Variants in LRP12 observed in about 807,000 individuals in gnomAD.
LRP12 encodes the protein LDL receptor related protein 12.
Under a neutral mutation model 66.0 loss-of-function variants are expected in LRP12, and 14 were observed. The observed-to-expected ratio is 0.21, with a 90% CI of 0.14 to 0.33. The LOEUF is 0.33. LRP12 is among the 10% of genes least tolerant of loss of function. The pLI is 1.00. For missense variants in LRP12, 889 were observed against 1,053.4 expected, an observed-to-expected ratio of 0.84 and a Z score of 2.16; for synonymous variants, 357 against 359.1, an observed-to-expected ratio of 0.99 and a Z score of 0.07.
At chr8:104,564,596 G>A (rs908888483) in intron 1 of LRP12, among the ~76,000 whole-genome samples, 5 of 151,514 alleles carry the variant, frequency 3.3e-5, no homozygotes, top group East Asian at 1.9e-4. Flanking sequence ...AATCAGCACC[G>A]CATAGCTAAC....
intron 1 of LRP12, among the ~76,000 whole-genome samples, chr8:104,537,611 A>G (rs938745433): frequency 2.0e-5 from 3 of 152,172 alleles, no homozygotes; most frequent in African/African-American, 7.2e-5. Context: ...TAATTATCCT[A>G]GCAAAGCTTT....
chr8:104,506,070 C>T (rs567112218), intron 3 of LRP12: 9 of 152,192 alleles, frequency 5.9e-5, no homozygotes, highest in African/African-American at 9.6e-5. Context: ...ACTATTTACA[C>T]GTAAAATTTT....
chr8:104,564,965 C>T (rs1304755589), intron 1 of LRP12, among the ~76,000 whole-genome samples: 1 of 151,014 alleles, frequency 6.6e-6, no homozygotes, highest in Non-Finnish European at 1.5e-5. Context: ...AGACGTATTA[C>T]AGACAAATTA....
intron 1 of LRP12, among the ~76,000 whole-genome samples, chr8:104,549,713 TAAAGTTGGAGAAAACCATATAACTAC>T: frequency 6.6e-6 from 1 of 152,296 alleles, no homozygotes; most frequent in South Asian, 2.1e-4. Context: ...CCACTTTTCT[TAAAGTTGGAGAAAACCATATAACTAC>T]AAAGAACAGT....
chr8:104,587,575 G>C (rs1386448990), intron 1 of LRP12, among the ~76,000 whole-genome samples: 2 of 152,138 alleles, frequency 1.3e-5, no homozygotes, highest in East Asian at 3.8e-4. Flanking sequence ...GTACCAAAAA[G>C]AATTTCTTGG....
chr8:104,498,770 A>C (rs908809703), intron 4 of LRP12, among the ~76,000 whole-genome samples: 2 of 152,230 alleles, frequency 1.3e-5, no homozygotes, highest in Non-Finnish European at 2.9e-5. Context: ...ATGCTTACTC[A>C]ACAATTCAAT....
Position 104,509,069 on chromosome 8 carries a change from C to T in LRP12, c.142G>A (p.Gly48Arg), listed in dbSNP as rs745583675. 1 of 1,612,754 alleles carries T rather than the reference C, an allele frequency of 6.2e-7. No individual in the cohort carries two copies. Among genetic ancestry groups the T allele is most frequent in the African/African-American group, 1.3e-5 (1 of 74,868 alleles). ...VHISGVSTAC[G>R]ETPEQIRAPS... ...GCTCGTATTTGCTCTGGAGTCTCTCCACAAGCTGGAAGATAGCCAAAGCAA... is the reference window on the plus strand; with the variant it reads ...GCTCGTATTTGCTCTGGAGTCTCTCTACAAGCTGGAAGATAGCCAAAGCAA... The change falls in exon 3 of 7, where the codon GGA becomes AGA. Residue 48 changes from glycine (G) to arginine (R), a missense_variant. Gly to Arg is a moderately radical substitution (Grantham distance 125). Coordinates refer to ENST00000276654, the MANE Select transcript of LRP12 (RefSeq NM_013437.5).
At chr8:104,504,157 A>T (rs73295106) in intron 3 of LRP12, 1 of 152,096 alleles carries the variant, frequency 6.6e-6, no homozygotes, top group Admixed American at 6.5e-5. Flanking sequence ...GTATAAAAGT[A>T]TTAACATAAA....
intron 3 of LRP12, chr8:104,508,008 T>C (rs1242304113): frequency 1.3e-5 from 2 of 152,214 alleles, no homozygotes; most frequent in Non-Finnish European, 2.9e-5. Context: ...GTTTATGATC[T>C]CCAAAGTCTC....
intron 2 of LRP12, among the ~76,000 whole-genome samples, chr8:104,530,243 T>C (rs1437376816): frequency 6.6e-6 from 1 of 152,084 alleles, no homozygotes; most frequent in African/African-American, 2.4e-5. Flanking sequence ...CTCTTTTAAG[T>C]CCTTGTTACA....
At position 104,491,047 on chromosome 8, in the gene LRP12, C is replaced by T; in HGVS notation, c.2206G>A (p.Gly736Arg). 1 of 1,614,120 alleles carries T rather than the reference C, an allele frequency of 6.2e-7. No homozygotes were observed. The highest frequency in any genetic ancestry group is 8.5e-7 in the Non-Finnish European group (1 of 1,180,018). Reference sequence around the variant, plus strand: ...AATGTAAAACGTACCCAGCGTAGCCCCTGAGTCATACGACTGAGTGCACTT... The same window carrying T: ...AATGTAAAACGTACCCAGCGTAGCCTCTGAGTCATACGACTGAGTGCACTT... ...LTSALSRMTQ[G>R]LRWVRFTLGR... is the part of the protein sequence containing the mutation. Residue 736 changes from glycine to arginine, a missense_variant, in exon 7 of 7, where the codon GGG becomes AGG. Gly to Arg is a moderately radical substitution (Grantham distance 125). This residue lies in a region of LRP12 where 800 missense variants were observed against 964.5 expected (regional missense o/e 0.83). Transcript: ENST00000276654.
At chr8:104,514,036 A>C (rs1328822230) in intron 2 of LRP12, among the ~76,000 whole-genome samples, 1 of 152,180 alleles carries the variant, frequency 6.6e-6, no homozygotes, top group Non-Finnish European at 1.5e-5. Context: ...AAGTAAAAAG[A>C]AATTGAAGAA....
At position 104,564,974 on chromosome 8, in the gene LRP12, T is replaced by C. The variant is rs149277329; in HGVS notation, c.79+23845A>G. ...ATAAATAGACGTATTACAGACAAAT[T>C]ATAATTTAGAAGACTAAACTGAAGA... On this transcript the variant is annotated intron_variant, in intron 1 of 6. Coordinates refer to ENST00000276654, the MANE Select transcript of LRP12 (RefSeq NM_013437.5). Among the ~76,000 whole-genome samples the C allele has an allele frequency of 8.6e-3, 1,309 of 151,978 alleles. 8 individuals carry two copies. Among genetic ancestry groups the C allele is most frequent in the Middle Eastern group, 0.017 (5 of 294 alleles).
chr8:104,524,524 A>G (rs1811200134), intron 2 of LRP12, among the ~76,000 whole-genome samples: 1 of 152,202 alleles, frequency 6.6e-6, no homozygotes. Context: ...TAATGAAGTC[A>G]CATGATGGAA....
intron 2 of LRP12, among the ~76,000 whole-genome samples, chr8:104,523,779 G>A (rs943833415): frequency 5.3e-5 from 8 of 152,176 alleles, no homozygotes; most frequent in African/African-American, 1.7e-4. Context: ...TGCTTGATAT[G>A]TACTGTAGAC....
At chr8:104,516,693 T>C (rs1811075816) in intron 2 of LRP12, among the ~76,000 whole-genome samples, 1 of 152,136 alleles carries the variant, frequency 6.6e-6, no homozygotes, top group Non-Finnish European at 1.5e-5. Context: ...TCATACTTAT[T>C]ATATTTAAAT....
chr8:104,546,902 T>C (rs1001765364), intron 1 of LRP12, among the ~76,000 whole-genome samples: 8 of 143,568 alleles, frequency 5.6e-5, no homozygotes, highest in Admixed American at 7.2e-5. Flanking sequence ...ATTATTATTA[T>C]ATATATTATA....
intron 1 of LRP12, among the ~76,000 whole-genome samples, chr8:104,564,760 A>G (rs1811970462): frequency 6.6e-6 from 1 of 151,900 alleles, no homozygotes. Flanking sequence ...GTGAAACCCT[A>G]TCTCTACCAA....
chr8:104,527,491 A>ATG, intron 2 of LRP12, among the ~76,000 whole-genome samples: 1 of 151,160 alleles, frequency 6.6e-6, no homozygotes, highest in Non-Finnish European at 1.5e-5. Flanking sequence ...ACCATGGAAT[A>ATG]CTATGCAGCC....
Sources: allele counts gnomAD v4.1 joint callset (sites outside exome capture counted in the v4.1 genomes callset), GRCh38; gene constraint gnomAD v4.1.1; regional missense constraint gnomAD v4.1.1; transcripts MANE v1.5; gene names NCBI Gene and HGNC (gene_info 2026-07-23, HGNC 2026-07-21).